DGKQ: variants seen among roughly 807,000 people sequenced by gnomAD.
DGKQ encodes DAG kinase theta.
In DGKQ, 97 loss-of-function variants were observed where a neutral mutation model predicts 104.2. The observed-to-expected ratio is 0.93, with a 90% CI of 0.79 to 1.10. The LOEUF (loss-of-function observed/expected upper bound fraction) is 1.10, where lower values mean the gene tolerates loss of function less well. Among genes scored for constraint, DGKQ ranks in the 50% least tolerant of loss-of-function variants. The probability of loss-of-function intolerance (pLI) is 0.00; values close to 1 mark genes in which losing one functional copy is unlikely to be tolerated. For missense variants in DGKQ, 1,465 were observed against 1,352.1 expected, an observed-to-expected ratio of 1.08 and a Z score of -1.31; for synonymous variants, 736 against 595.2, an observed-to-expected ratio of 1.24 and a Z score of -3.44.
rs960120861 is a variant in DGKQ at position 971,406 on chromosome 4, G to A, written c.272-334C>T. 2.6e-5 allele frequency among the ~76,000 whole-genome samples: 4 copies of A among 152,236 alleles called. No homozygotes were observed. The highest frequency in any genetic ancestry group is 2.0e-4 in the Admixed American group (3 of 15,288). ...CAAGGGGCAGCCCTGGGCTCACCAG[G>A]TTCGCCAGGTGGCAGGGGCTTCTCG... On this transcript the variant is annotated intron_variant, in intron 1 of 22. Transcript: ENST00000273814. The surrounding 1 kb of genome is among the most constrained non-coding windows in gnomAD (Gnocchi z 4.0).
At position 973,493 on chromosome 4, in the gene DGKQ, A is replaced by C; in HGVS notation, c.-11T>G. On this transcript the variant is annotated 5_prime_UTR_variant, in exon 1 of 23. Transcript: ENST00000273814. ...GGCCGCCGCCGCCATTCCCGGCCCG[A>C]GCGGCCCGAGCCCCTTTAGGTCCGC... 1.0e-6 allele frequency: 1 copy of C among 983,782 alleles called. No homozygotes were observed. The allele number at this position is 983,782 out of a possible 1,614,324, so 60.9% of individuals were successfully genotyped here. A position where few individuals can be genotyped will look rare whatever the true frequency, so the allele number is the denominator to read the frequency against.
rs1315781577 is a variant in DGKQ, at chr4:967,420, G to T, written c.988-59C>A. 2.1e-5 allele frequency: 27 copies of T among 1,308,684 alleles called. 1 individual carries two copies. In the South Asian group the frequency reaches 3.3e-4, roughly 16 times the overall value. 81.1% of individuals were successfully genotyped at this position (1,308,684 alleles called of 1,614,324 possible). On this transcript the variant is annotated intron_variant, in intron 8 of 22. Transcript: ENST00000273814. ...GGGGGGTCAGGCGGGGTTCAGTGGG[G>T]GGCAGGTCATGGAGGGGGAGGCCAG...
At chr4:962,318 G>C in intron 18 of DGKQ, 117 bp downstream of exon 18, 1 of 1,091,676 alleles carries the variant, frequency 9.2e-7, no homozygotes, top group Non-Finnish European at 1.3e-6. Flanking sequence ...CTTTGCAGAG[G>C]GGATGATGCG....
chr4:963,424 G>C lies in DGKQ; in HGVS notation c.1735-134C>G, dbSNP rs1712044390. The C allele has an allele frequency of 5.3e-6, 4 of 749,632 alleles. No individual in the cohort carries two copies. In the South Asian group the frequency reaches 5.7e-5, roughly 11 times the overall value. The allele number at this position is 749,632 out of a possible 1,614,324, so 46.4% of individuals were successfully genotyped here. On this transcript the variant is annotated intron_variant, in intron 15 of 22. Transcript: ENST00000273814. Reference sequence around the variant, plus strand: ...CCAGCCCCCTCCCCAGGAAGGCGTGGCCAGCACCCTCACATCTGAGGCCTC... The same window carrying C: ...CCAGCCCCCTCCCCAGGAAGGCGTGCCCAGCACCCTCACATCTGAGGCCTC...
intron 11 of DGKQ, 33 bp downstream of exon 11, chr4:966,715 G>A: frequency 1.3e-6 from 2 of 1,592,642 alleles, no homozygotes; most frequent in East Asian, 2.3e-5. Flanking sequence ...AAGGTGCAGG[G>A]ACCGCCACGC....
At chr4:960,812 C>T in intron 22 of DGKQ, 91 bp from the exon 23 acceptor site, 9 of 1,536,256 alleles carry the variant, frequency 5.9e-6, no homozygotes, top group Non-Finnish European at 6.1e-6. Context: ...CCCCGGGCAG[C>T]TGATGCCATC....
chr4:966,284 C>G, intron 12 of DGKQ, 182 bp downstream of exon 12: 1 of 839,478 alleles, frequency 1.2e-6, no homozygotes, highest in South Asian at 1.7e-5. Context: ...TCGGGGAGAT[C>G]TGCAGCTCGA....
At chr4:963,677 G>A (rs534620359) in intron 15 of DGKQ, among the ~76,000 whole-genome samples, 1 of 152,358 alleles carries the variant, frequency 6.6e-6, no homozygotes, top group South Asian at 2.1e-4. Flanking sequence ...CTGTCCCCTG[G>A]GGGGCCTCTG....
In DGKQ at chr4:967,522, T is replaced by C. The variant is rs771142940; in HGVS notation, c.987+27A>G. On this transcript the variant is annotated intron_variant, in intron 8 of 22. Transcript: ENST00000273814. ...GGGACATGCGGTCCTGGGAGGGGGC[T>C]CAGACCTCCCCCAGCCTCCCCCTTA... The C allele has an allele frequency of 3.2e-5, 52 of 1,602,222 alleles. No individual in the cohort carries two copies. The Admixed American group carries it at 8.4e-4, about 26-fold the overall frequency.
intron 8 of DGKQ, 69 bp downstream of exon 8, chr4:967,480 C>T: frequency 6.5e-7 from 1 of 1,527,360 alleles, no homozygotes; most frequent in South Asian, 1.2e-5. Context: ...GGAGCCAGGT[C>T]AGGTGCGCCA....
Position 973,400 on chromosome 4 carries a change from A to G in DGKQ, c.83T>C (p.Val28Ala). 1.9e-6 allele frequency: 2 copies of G among 1,033,232 alleles called. No individual in the cohort carries two copies. The highest frequency in any genetic ancestry group is 4.4e-5 in the South Asian group (1 of 22,524). The allele number at this position is 1,033,232 out of a possible 1,614,324, so 64.0% of individuals were successfully genotyped here. The change falls in exon 1 of 23, where the codon GTG (valine) becomes GCG (alanine). Residue 28 changes from valine (V) to alanine (A), a missense_variant. Coordinates refer to ENST00000273814, the MANE Select transcript of DGKQ (RefSeq NM_001347.4). ...GCGCGCGCGGCCTCCTGAGCCCAGC[A>G]CGGGGCTGCAGGCCGGGCTGCCGGG... Reference protein sequence around the residue: ...PRPGSPACSPVLGSGGRARPG... With the variant: ...PRPGSPACSPALGSGGRARPG...
In DGKQ at chr4:965,848, G is replaced by A. The variant is rs551118189; in HGVS notation, c.1579+80C>T. Reference sequence around the variant, plus strand: ...GGTGGCTCAAGGAGAGGCAGGAGCCGGCTCAGCACTGCAGCCCCACTGCCT... The same window carrying A: ...GGTGGCTCAAGGAGAGGCAGGAGCCAGCTCAGCACTGCAGCCCCACTGCCT... On this transcript the variant is annotated intron_variant, in intron 13 of 22. Coordinates refer to ENST00000273814, the MANE Select transcript of DGKQ (RefSeq NM_001347.4). 5.0e-5 allele frequency: 71 copies of A among 1,426,792 alleles called. 1 individual carries two copies. The Admixed American group carries it at 9.6e-4, about 19-fold the overall frequency. 88.4% of individuals were successfully genotyped at this position (1,426,792 alleles called of 1,614,324 possible).
At position 960,873 on chromosome 4, in the gene DGKQ, C is replaced by T. The variant is rs1246691875; in HGVS notation, c.2728-152G>A. On this transcript the variant is annotated intron_variant, in intron 22 of 22. Coordinates refer to ENST00000273814, the MANE Select transcript of DGKQ (RefSeq NM_001347.4). ...GGACCTGTCTGGCTGCTCCCTGTGC[C>T]ACCTGTGGCCCGCCTGGCCACTGGC... 3.4e-6 allele frequency: 5 copies of T among 1,475,534 alleles called. No individual in the cohort carries two copies. In the East Asian group the frequency reaches 7.4e-5, roughly 22 times the overall value. The allele number at this position is 1,475,534 out of a possible 1,614,324, so 91.4% of individuals were successfully genotyped here. A position where few individuals can be genotyped will look rare whatever the true frequency, so the allele number is the denominator to read the frequency against.
In DGKQ at chr4:962,022, G is replaced by A; in HGVS notation, c.2275C>T (p.His759Tyr). 6.2e-7 allele frequency: 1 copy of A among 1,613,144 alleles called. No individual in the cohort carries two copies. The highest frequency in any genetic ancestry group is 8.5e-7 in the Non-Finnish European group (1 of 1,179,946). ...CCAGGCTCCTCTTCCCGTGCCTGGTGGAAGTCCAGGCTCAGCTCCGCGTCG... is the reference window on the plus strand; with the variant it reads ...CCAGGCTCCTCTTCCCGTGCCTGGTAGAAGTCCAGGCTCAGCTCCGCGTCG... Reference protein sequence around the residue: ...GIDAELSLDFHQAREEEPGKF... With the variant: ...GIDAELSLDFYQAREEEPGKF... Residue 759 changes from histidine (H) to tyrosine (Y), a missense_variant, in exon 19 of 23, where the codon CAC becomes TAC. His to Tyr is a moderately conservative substitution (Grantham distance 83, BLOSUM62 2). Transcript: ENST00000273814.
intron 15 of DGKQ, among the ~76,000 whole-genome samples, chr4:963,561 G>A (rs1712055020): frequency 6.6e-6 from 1 of 152,228 alleles, no homozygotes; most frequent in Admixed American, 6.5e-5. Flanking sequence ...CCTGCCCACT[G>A]AGCTGCGTGT....
chr4:969,176 C>T (rs1446674809), intron 2 of DGKQ, among the ~76,000 whole-genome samples: 1 of 151,994 alleles, frequency 6.6e-6, no homozygotes, highest in African/African-American at 2.4e-5. Context: ...GGAACAACCA[C>T]ACCCCCGGGT....
rs769064822 is a variant in DGKQ at position 963,196 on chromosome 4, C to T, written c.1829G>A (p.Arg610Gln). 9.3e-6 allele frequency: 15 copies of T among 1,611,028 alleles called. No individual in the cohort carries two copies. Among genetic ancestry groups the T allele is most frequent in the African/African-American group, 2.7e-5 (2 of 74,920 alleles). ...LKGRDLLCSFRKLLNPHQVFD... is the reference protein window; with the variant it reads ...LKGRDLLCSFQKLLNPHQVFD... Reference sequence around the variant, plus strand: ...GACCTGATGAGGGTTCAGTAGCTTCCGGAAGCTGCAGAGCAGGTCTCGGCC... The same window carrying T: ...GACCTGATGAGGGTTCAGTAGCTTCTGGAAGCTGCAGAGCAGGTCTCGGCC... Residue 610 changes from arginine to glutamine, a missense_variant, in exon 16 of 23, where the codon CGG becomes CAG. Arg to Gln is a conservative substitution (Grantham distance 43). Transcript: ENST00000273814.
At chr4:970,248 C>T (rs1712824518) in intron 2 of DGKQ, among the ~76,000 whole-genome samples, 1 of 152,276 alleles carries the variant, frequency 6.6e-6, no homozygotes, top group African/African-American at 2.4e-5. Context: ...CCGGGCCTGC[C>T]TCGCGGCCTG....
At chr4:962,970 C>T (rs779479682) in intron 16 of DGKQ, 50 bp from the exon 17 acceptor site, 7 of 1,564,560 alleles carry the variant, frequency 4.5e-6, no homozygotes, top group Middle Eastern at 1.8e-4. Flanking sequence ...GCAGCCCATC[C>T]CCCACCCAGG....
Sources: allele counts gnomAD v4.1 joint callset (sites outside exome capture counted in the v4.1 genomes callset), GRCh38; gene constraint gnomAD v4.1.1; non-coding constraint Gnocchi (gnomAD v3.1); transcripts MANE v1.5; gene names NCBI Gene and HGNC (gene_info 2026-07-23, HGNC 2026-07-21).